The following HSDL2 variants were observed in gnomAD, a reference collection of about 807,000 sequenced individuals.
The protein encoded by HSDL2 is hydroxysteroid dehydrogenase-like protein 2.
A neutral mutation model predicts 46.3 loss-of-function variants in HSDL2; 27 were observed. The observed-to-expected ratio is 0.58, with a 90% confidence interval of 0.43 to 0.80. HSDL2 has a LOEUF of 0.80. Among genes scored for constraint, HSDL2 ranks in the 30% least tolerant of loss-of-function variants. HSDL2 has a pLI of 0.00. For missense variants in HSDL2, 451 were observed against 502.7 expected (o/e 0.90, Z 0.98); for synonymous variants, 153 against 163.6 (o/e 0.94, Z 0.50).
At chr9:112,391,805 T>G (rs1164476631) in intron 1 of HSDL2, among the ~76,000 whole-genome samples, 1 of 149,368 alleles carries the variant, frequency 6.7e-6, no homozygotes, top group African/African-American at 2.5e-5. Flanking sequence ...CTTGGGAGGC[T>G]GACGCACGAG....
intron 3 of HSDL2, among the ~76,000 whole-genome samples, chr9:112,406,096 G>GGTT (rs1166695293): frequency 2.0e-5 from 3 of 151,922 alleles, no homozygotes; most frequent in Non-Finnish European, 4.4e-5. Flanking sequence ...GGGAGGTGGA[G>GGTT]GTTGCAGTGA....
At chr9:112,387,027 GGC>G (rs754009769) in intron 1 of HSDL2, among the ~76,000 whole-genome samples, 1 of 152,124 alleles carries the variant, frequency 6.6e-6, no homozygotes, top group Non-Finnish European at 1.5e-5. Context: ...GATTTGATCA[GGC>G]CAACCATAAG....
intron 6 of HSDL2, among the ~76,000 whole-genome samples, chr9:112,436,470 A>G (rs1564123290): frequency 6.6e-6 from 1 of 152,038 alleles, no homozygotes; most frequent in East Asian, 1.9e-4. Flanking sequence ...TAAGTGCTTA[A>G]TAACTATTTG....
At chr9:112,380,280 G>A (rs1831053584) in intron 1 of HSDL2, 100 bp downstream of exon 1, 4 of 1,197,262 alleles carry the variant, frequency 3.3e-6, no homozygotes, top group Non-Finnish European at 4.7e-6. Context: ...CCCGGCTGTG[G>A]GAGGTCAAGG....
At chr9:112,395,956 G>A (rs554044021) in intron 1 of HSDL2, among the ~76,000 whole-genome samples, 83 of 152,320 alleles carry the variant, frequency 5.4e-4, no homozygotes, top group Non-Finnish European at 8.1e-4. Context: ...ATTAGGAGGC[G>A]TAGCAGTGGC....
chr9:112,427,641 C>T (rs931259899), intron 6 of HSDL2, among the ~76,000 whole-genome samples: 1 of 152,150 alleles, frequency 6.6e-6, no homozygotes, highest in African/African-American at 2.4e-5. Context: ...CAGTTACACT[C>T]ATTTTTTTTC....
intron 1 of HSDL2, 86 bp downstream of exon 1, chr9:112,380,266 C>T (rs1831052946): frequency 3.6e-6 from 5 of 1,382,190 alleles, no homozygotes; most frequent in South Asian, 1.3e-5. Flanking sequence ...CCCGGGCTGG[C>T]CGGCCCGGCT....
At chr9:112,435,184 A>G (rs186343851) in intron 6 of HSDL2, among the ~76,000 whole-genome samples, 38 of 152,190 alleles carry the variant, frequency 2.5e-4, no homozygotes, top group Non-Finnish European at 5.1e-4. Flanking sequence ...AAAGATTGTT[A>G]AAGTAATGAT....
At chr9:112,412,979 A>G (rs969927856) in intron 4 of HSDL2, among the ~76,000 whole-genome samples, 1 of 152,030 alleles carries the variant, frequency 6.6e-6, no homozygotes, top group Non-Finnish European at 1.5e-5. Context: ...CTCTCGCACA[A>G]AGATTCTATT....
chr9:112,461,699 AAAT>A (rs1222714152), intron 10 of HSDL2, among the ~76,000 whole-genome samples: 11 of 152,232 alleles, frequency 7.2e-5, no homozygotes, highest in African/African-American at 2.4e-4. Flanking sequence ...TTGAAGAATT[AAAT>A]AATAAGCCCA....
intron 10 of HSDL2, among the ~76,000 whole-genome samples, chr9:112,461,470 A>G (rs982402671): frequency 4.6e-5 from 7 of 152,372 alleles, no homozygotes; most frequent in African/African-American, 1.7e-4. Flanking sequence ...GACACATTTA[A>G]TAAACGCTCA....
intron 8 of HSDL2, among the ~76,000 whole-genome samples, chr9:112,447,364 A>G (rs1832778521): frequency 6.6e-6 from 1 of 152,146 alleles, no homozygotes. Flanking sequence ...GTGATAAATT[A>G]TGCAGTTTAT....
At chr9:112,436,757 G>C (rs1832532933) in intron 6 of HSDL2, among the ~76,000 whole-genome samples, 1 of 151,968 alleles carries the variant, frequency 6.6e-6, no homozygotes, top group Admixed American at 6.6e-5. Context: ...AGAAAATTGA[G>C]ATGTTACTGT....
chr9:112,459,306 A>G, intron 9 of HSDL2, 143 bp from the exon 10 acceptor site: 2 of 799,436 alleles, frequency 2.5e-6, no homozygotes, highest in Non-Finnish European at 3.9e-6. Context: ...CTTAATAAAT[A>G]TTTGCTGAAT....
At chr9:112,386,010 C>G (rs977051955) in intron 1 of HSDL2, among the ~76,000 whole-genome samples, 7 of 150,662 alleles carry the variant, frequency 4.6e-5, no homozygotes, top group Non-Finnish European at 8.9e-5. Context: ...TGGGCCCAAG[C>G]AATCCACCCA....
At chr9:112,425,696 A>G (rs2132653480) in intron 6 of HSDL2, among the ~76,000 whole-genome samples, 2 of 152,260 alleles carry the variant, frequency 1.3e-5, no homozygotes, top group East Asian at 3.9e-4. Context: ...TAACCATATA[A>G]TATAGTTCAT....
chr9:112,391,717 C>T (rs1831347810), intron 1 of HSDL2, among the ~76,000 whole-genome samples: 1 of 151,688 alleles, frequency 6.6e-6, no homozygotes, highest in Non-Finnish European at 1.5e-5. Context: ...ACCAGCCCAA[C>T]CAAAATGGAG....
At chr9:112,434,681 T>C (rs1346999360) in intron 6 of HSDL2, among the ~76,000 whole-genome samples, 1 of 152,184 alleles carries the variant, frequency 6.6e-6, no homozygotes, top group Non-Finnish European at 1.5e-5. Context: ...TGTTTGGTGG[T>C]GGCTGACAGG....
At chr9:112,463,138 T>G (rs1219695219) in intron 10 of HSDL2, among the ~76,000 whole-genome samples, 2 of 152,252 alleles carry the variant, frequency 1.3e-5, no homozygotes, top group Admixed American at 6.5e-5. Context: ...TTTTGGCTAT[T>G]ATGGATATTG....
Sources: allele counts gnomAD v4.1 joint callset (sites outside exome capture counted in the v4.1 genomes callset), GRCh38; gene constraint gnomAD v4.1.1; transcripts MANE v1.5; gene names NCBI Gene and HGNC (gene_info 2026-07-23, HGNC 2026-07-21).